Variants in B3GALT5 observed in about 807,000 individuals in gnomAD.
B3GALT5 encodes beta-1,3-galactosyltransferase 5.
For synonymous variants in B3GALT5, 156 were observed against 158.6 expected (o/e 0.98, Z 0.12); for missense variants, 328 against 396.6 (o/e 0.83, Z 1.47).
intron 2 of B3GALT5, among the ~76,000 whole-genome samples, chr21:39,654,477 G>A (rs754103088): frequency 1.3e-4 from 20 of 152,210 alleles, no homozygotes; most frequent in Non-Finnish European, 2.6e-4. Context: ...AAGATGCTGT[G>A]AACATTGTTG....
At position 39,661,566 on chromosome 21, in the gene B3GALT5, G is replaced by A; in HGVS notation, c.*74G>A. On this transcript the variant is annotated 3_prime_UTR_variant, in exon 4 of 4. Coordinates refer to ENST00000684187, the MANE Select transcript of B3GALT5 (RefSeq NM_001356336.2). The surrounding 1 kb of genome is among the most constrained non-coding windows in gnomAD (Gnocchi z 4.7). ...TAGTTTTTGCTAGATTTTGGAAGAG[G>A]GGGCGGGACAGAGGATGCTGTTCTT... 7.3e-7 allele frequency: 1 copy of A among 1,367,528 alleles called. No homozygotes were observed. Among genetic ancestry groups the A allele is most frequent in the East Asian group, 2.5e-5 (1 of 40,750 alleles). The allele number at this position is 1,367,528 out of a possible 1,614,324, so 84.7% of individuals were successfully genotyped here.
intron 3 of B3GALT5, 123 bp from the exon 4 acceptor site, chr21:39,660,437 G>T (rs974696426): frequency 1.3e-6 from 1 of 760,548 alleles, no homozygotes; most frequent in African/African-American, 1.8e-5. Flanking sequence ...CCCGACTTCT[G>T]TATGCAGCGA....
At chr21:39,616,096 T>C (rs2079106028) in intron 1 of B3GALT5, among the ~76,000 whole-genome samples, 1 of 152,194 alleles carries the variant, frequency 6.6e-6, no homozygotes, top group South Asian at 2.1e-4. Context: ...GTCTTTTTTT[T>C]TGTTTAAGCT....
chr21:39,633,261 G>T (rs1602264913), intron 1 of B3GALT5, among the ~76,000 whole-genome samples: 1 of 152,130 alleles, frequency 6.6e-6, no homozygotes, highest in East Asian at 1.9e-4. Context: ...AAAACTAGGG[G>T]TGACTCATCA....
chr21:39,654,805 G>A (rs891408478), intron 2 of B3GALT5, among the ~76,000 whole-genome samples: 3 of 152,186 alleles, frequency 2.0e-5, no homozygotes, highest in African/African-American at 7.2e-5. Context: ...AGGATCAGAT[G>A]AACATTAGCA....
At chr21:39,617,497 A>G (rs934412438) in intron 1 of B3GALT5, among the ~76,000 whole-genome samples, 2 of 152,172 alleles carry the variant, frequency 1.3e-5, no homozygotes, top group Admixed American at 1.3e-4. Context: ...TGTGGGAAAA[A>G]CTACCATTTA....
At chr21:39,639,395 T>TTCCTTCC (rs1569212335) in intron 1 of B3GALT5, among the ~76,000 whole-genome samples, 3 of 78,726 alleles carry the variant, frequency 3.8e-5, no homozygotes, top group South Asian at 5.2e-4. Context: ...TCCTTCCTTC[T>TTCCTTCC]TTCTTTTTCT....
chr21:39,658,723 C>T (rs1317333740), intron 2 of B3GALT5, among the ~76,000 whole-genome samples: 1 of 152,136 alleles, frequency 6.6e-6, no homozygotes, highest in Admixed American at 6.5e-5. Context: ...TGCTTGCCTT[C>T]TGCTGTGATT....
intron 2 of B3GALT5, among the ~76,000 whole-genome samples, chr21:39,647,644 G>A (rs1254256652): frequency 1.3e-5 from 2 of 152,090 alleles, no homozygotes; most frequent in Admixed American, 1.3e-4. Context: ...CACCATGTCC[G>A]GCCCCTTGTT....
At chr21:39,616,662 C>T (rs759372109) in intron 1 of B3GALT5, among the ~76,000 whole-genome samples, 3 of 152,170 alleles carry the variant, frequency 2.0e-5, no homozygotes, top group Non-Finnish European at 2.9e-5. Context: ...TTGCTTCTCT[C>T]CTATGTGAAC....
intron 1 of B3GALT5, among the ~76,000 whole-genome samples, chr21:39,641,263 C>T (rs923740300): frequency 1.3e-5 from 2 of 152,216 alleles, no homozygotes; most frequent in Non-Finnish European, 2.9e-5. Flanking sequence ...TGTATTTTAG[C>T]TTCCGACACT....
chr21:39,628,868 AT>A, intron 1 of B3GALT5, among the ~76,000 whole-genome samples: 1 of 152,240 alleles, frequency 6.6e-6, no homozygotes, highest in Middle Eastern at 3.4e-3. Flanking sequence ...CTATTCTCTC[AT>A]TTTACTTTTC....
rs1265851616 is a variant in B3GALT5, at chr21:39,662,444, G to A, written c.*952G>A. ...AGTTGAACTCAGATGGGGTTCATGT[G>A]GGATTCTGGGAGCTTTCTGGGAATT... On this transcript the variant is annotated 3_prime_UTR_variant, in exon 4 of 4. Coordinates refer to ENST00000684187, the MANE Select transcript of B3GALT5 (RefSeq NM_001356336.2). 1.2e-5 allele frequency: 2 copies of A among 167,130 alleles called. No individual in the cohort carries two copies. The highest frequency in any genetic ancestry group is 2.9e-5 in the Non-Finnish European group (2 of 68,156). The allele number at this position is 167,130 out of a possible 1,614,324, so 10.4% of individuals were successfully genotyped here. A position where few individuals can be genotyped will look rare whatever the true frequency, so the allele number is the denominator to read the frequency against.
At chr21:39,643,862 C>G (rs1389972283) in intron 1 of B3GALT5, among the ~76,000 whole-genome samples, 5 of 152,186 alleles carry the variant, frequency 3.3e-5, no homozygotes, top group Non-Finnish European at 7.3e-5. Context: ...TGAGTTTTGC[C>G]TGCTCCCCTC....
At chr21:39,660,479 C>T (rs2079501446) in intron 3 of B3GALT5, 81 bp from the exon 4 acceptor site, 26 of 1,241,888 alleles carry the variant, frequency 2.1e-5, no homozygotes, top group Non-Finnish European at 2.7e-5. Context: ...CGGGTCTCCT[C>T]TCCCACCTCA....
Position 39,613,076 on chromosome 21 carries a change from CG to C in B3GALT5, c.-392+13del, listed in dbSNP as rs2079088422. On this transcript the variant is annotated intron_variant, in intron 1 of 3. Transcript: ENST00000684187. The stretch of plus-strand genomic sequence containing the variant: ...GGGCTGCCCCGCGCACGGTAAGGCC[CG>C]GGGCTGGGGCGCGGGGCGCGGGGAG... 7.0e-6 allele frequency: 1 copy of C among 142,912 alleles called. No homozygotes were observed. Among genetic ancestry groups the C allele is most frequent in the Non-Finnish European group, 1.6e-5 (1 of 64,252 alleles). The allele number at this position is 142,912 out of a possible 1,614,324, so 8.9% of individuals were successfully genotyped here. A position where few individuals can be genotyped will look rare whatever the true frequency, so the allele number is the denominator to read the frequency against.
intron 1 of B3GALT5, among the ~76,000 whole-genome samples, chr21:39,629,494 C>G (rs1244524429): frequency 6.6e-6 from 1 of 152,024 alleles, no homozygotes; most frequent in Non-Finnish European, 1.5e-5. Flanking sequence ...TTCAATCCTG[C>G]TTTTAATTTT....
At chr21:39,639,347 T>TTTCTTTCTTTCCTTCCTTCC (rs762994044) in intron 1 of B3GALT5, among the ~76,000 whole-genome samples, 3 of 66,786 alleles carry the variant, frequency 4.5e-5, no homozygotes, top group Admixed American at 3.6e-4. Flanking sequence ...TCTTTCTTTC[T>TTTCTTTCTTTCCTTCCTTCC]TTCCTTCCTT....
At chr21:39,631,349 T>C (rs973398502) in intron 1 of B3GALT5, among the ~76,000 whole-genome samples, 2 of 152,142 alleles carry the variant, frequency 1.3e-5, no homozygotes, top group Admixed American at 1.3e-4. Flanking sequence ...GTGGAGCATC[T>C]CCCTCATCTC....
Sources: gnomAD v4.1 joint callset for allele counts (sites outside exome capture counted in the v4.1 genomes callset) on GRCh38, gnomAD v4.1.1 for gene constraint, Gnocchi (gnomAD v3.1) non-coding constraint, MANE v1.5 for transcripts, NCBI Gene and HGNC (gene_info 2026-07-23, HGNC 2026-07-21) for gene names.